GNAO1: variants seen among roughly 807,000 people sequenced by gnomAD.
GNAO1 encodes guanine nucleotide-binding protein G(o) subunit alpha.
For synonymous variants in GNAO1, 164 were observed against 180.7 expected, an observed-to-expected ratio of 0.91 and a Z score of 0.74; for missense variants, 166 against 478.7, an observed-to-expected ratio of 0.35 and a Z score of 6.10.
At chr16:56,345,663 T>C (rs1170510555) in intron 6 of GNAO1, 2 of 985,540 alleles carry the variant, frequency 2.0e-6, no homozygotes, top group Non-Finnish European at 2.4e-6. Flanking sequence ...TTGCACCAGG[T>C]GCTGGGACGT....
chr16:56,226,345 C>T (rs535988576), intron 2 of GNAO1: 1 of 152,292 alleles, frequency 6.6e-6, no homozygotes, highest in African/African-American at 2.4e-5. Context: ...GAGGGAGGCC[C>T]TTGTTGGTAG....
intron 2 of GNAO1, among the ~76,000 whole-genome samples, chr16:56,205,058 A>G (rs2036314892): frequency 6.6e-6 from 1 of 152,218 alleles, no homozygotes; most frequent in Non-Finnish European, 1.5e-5. Context: ...TCAGAACTCT[A>G]GTGCTAATTG....
chr16:56,235,573 G>A (rs1322388444), intron 2 of GNAO1, among the ~76,000 whole-genome samples: 2 of 152,220 alleles, frequency 1.3e-5, no homozygotes, highest in Admixed American at 1.3e-4. Context: ...TGCTCCTAGG[G>A]GAATGCCTGC....
intron 3 of GNAO1, among the ~76,000 whole-genome samples, chr16:56,314,608 G>T (rs2037490264): frequency 6.6e-6 from 1 of 152,192 alleles, no homozygotes; most frequent in Non-Finnish European, 1.5e-5. Context: ...GGCATGCATG[G>T]TGGTAGGGAG....
intron 3 of GNAO1, among the ~76,000 whole-genome samples, chr16:56,322,572 C>T (rs1276690623): frequency 5.9e-5 from 9 of 152,104 alleles, no homozygotes; most frequent in East Asian, 1.9e-4. Context: ...CAGGCCTGGC[C>T]CTTCTATCTT....
intron 3 of GNAO1, among the ~76,000 whole-genome samples, chr16:56,287,112 G>T (rs1309843304): frequency 2.0e-5 from 3 of 152,248 alleles, no homozygotes; most frequent in Admixed American, 2.0e-4. Flanking sequence ...ACACATGGGT[G>T]CACAGCCCCC....
intron 6 of GNAO1, chr16:56,343,930 C>A: frequency 1.2e-6 from 2 of 1,613,946 alleles, no homozygotes; most frequent in Non-Finnish European, 1.7e-6. Flanking sequence ...CAAAAACCTG[C>A]GGGGCTGTGG....
chr16:56,231,372 C>A (rs1308490113), intron 2 of GNAO1, among the ~76,000 whole-genome samples: 2 of 152,230 alleles, frequency 1.3e-5, no homozygotes, highest in Non-Finnish European at 2.9e-5. Flanking sequence ...AATAGCAGTC[C>A]TCATCACTTG....
chr16:56,348,554 G>A (rs2037894212), intron 6 of GNAO1, among the ~76,000 whole-genome samples: 1 of 152,168 alleles, frequency 6.6e-6, no homozygotes, highest in African/African-American at 2.4e-5. Context: ...GAGGTCTAGG[G>A]GGTTGGCTGT....
At chr16:56,295,810 A>G (rs1467305144) in intron 3 of GNAO1, among the ~76,000 whole-genome samples, 1 of 152,172 alleles carries the variant, frequency 6.6e-6, no homozygotes, top group Admixed American at 6.5e-5. Context: ...ACTGTTGTCA[A>G]AGGCTTCCTT....
At chr16:56,266,871 A>T (rs1411518536) in intron 2 of GNAO1, among the ~76,000 whole-genome samples, 1 of 152,144 alleles carries the variant, frequency 6.6e-6, no homozygotes, top group Non-Finnish European at 1.5e-5. Context: ...ATATTCATGG[A>T]GGGAATGAAT....
At chr16:56,337,180 TA>T (rs1428048444) in intron 6 of GNAO1, among the ~76,000 whole-genome samples, 1 of 152,234 alleles carries the variant, frequency 6.6e-6, no homozygotes, top group East Asian at 1.9e-4. Context: ...AAGCAAACCC[TA>T]AAAAAACCAG....
intron 3 of GNAO1, among the ~76,000 whole-genome samples, chr16:56,278,455 G>A (rs769156429): frequency 1.3e-5 from 2 of 152,196 alleles, no homozygotes; most frequent in African/African-American, 2.4e-5. Flanking sequence ...GCGTTCCCGG[G>A]AGTGGGCTGG....
At chr16:56,205,240 G>A (rs1162201435) in intron 2 of GNAO1, among the ~76,000 whole-genome samples, 5 of 152,208 alleles carry the variant, frequency 3.3e-5, no homozygotes, top group Non-Finnish European at 7.3e-5. Context: ...GAGAAGTGCT[G>A]AAGGTGGTTC....
intron 3 of GNAO1, among the ~76,000 whole-genome samples, chr16:56,320,537 G>A (rs372948617): frequency 3.9e-5 from 6 of 152,182 alleles, no homozygotes; most frequent in African/African-American, 7.2e-5. Flanking sequence ...TCTGAAGCCC[G>A]CAGAAAGCTG....
Position 56,351,758 on chromosome 16 carries a change from A to T in GNAO1, c.877+221A>T. 9.3e-6 allele frequency: 5 copies of T among 540,100 alleles called. No homozygotes were observed. The highest frequency in any genetic ancestry group is 1.7e-5 in the Non-Finnish European group (5 of 299,900). The allele number at this position is 540,100 out of a possible 1,614,324, so 33.5% of individuals were successfully genotyped here. On this transcript the variant is annotated intron_variant, in intron 7 of 8. Coordinates refer to ENST00000262493, the MANE Select transcript of GNAO1 (RefSeq NM_020988.3). The surrounding 1 kb of genome is among the most constrained non-coding windows in gnomAD (Gnocchi z 6.1). ...GTGGAAATGGCCCCTCCTAAGATATATGTGTTAGGACCAAGTGACTCAGGA... is the reference window on the plus strand; with the variant it reads ...GTGGAAATGGCCCCTCCTAAGATATTTGTGTTAGGACCAAGTGACTCAGGA...
At chr16:56,283,953 C>T (rs1416820451) in intron 3 of GNAO1, among the ~76,000 whole-genome samples, 1 of 152,128 alleles carries the variant, frequency 6.6e-6, no homozygotes, top group Admixed American at 6.5e-5. Context: ...GAGACTTACC[C>T]AGGGGAATAT....
intron 2 of GNAO1, among the ~76,000 whole-genome samples, chr16:56,259,545 G>C (rs2036883999): frequency 6.6e-6 from 1 of 152,214 alleles, no homozygotes; most frequent in African/African-American, 2.4e-5. Flanking sequence ...GTGATAATAA[G>C]CAGATGTGAC....
chr16:56,224,812 G>A (rs2036520379), intron 2 of GNAO1, among the ~76,000 whole-genome samples: 1 of 152,240 alleles, frequency 6.6e-6, no homozygotes, highest in Admixed American at 6.5e-5. Flanking sequence ...CGGCTTTGTG[G>A]TATTTAGGGC....
Sources: gnomAD v4.1 joint callset for allele counts (sites outside exome capture counted in the v4.1 genomes callset) on GRCh38, gnomAD v4.1.1 for gene constraint, Gnocchi (gnomAD v3.1) non-coding constraint, MANE v1.5 for transcripts, NCBI Gene and HGNC (gene_info 2026-07-23, HGNC 2026-07-21) for gene names.